SPTAN1: variants seen among roughly 807,000 people sequenced by gnomAD.
SPTAN1 encodes spectrin alpha chain, non-erythrocytic 1.
Under a neutral mutation model 331.3 loss-of-function variants are expected in SPTAN1, and 61 were observed. The observed-to-expected ratio is 0.18, with a 90% CI of 0.15 to 0.23. SPTAN1 has a LOEUF of 0.23. Among genes scored for constraint, SPTAN1 ranks in the 10% least tolerant of loss-of-function variants. The pLI, the probability that SPTAN1 is intolerant of heterozygous loss-of-function variation, is 1.00. For synonymous variants in SPTAN1, 1,153 were observed against 1,173.9 expected, an observed-to-expected ratio of 0.98 and a Z score of 0.36; for missense variants, 2,043 against 3,147.9, an observed-to-expected ratio of 0.65 and a Z score of 8.40.
intron 18 of SPTAN1, among the ~76,000 whole-genome samples, chr9:128,585,111 T>G (rs1001946574): frequency 6.6e-6 from 1 of 151,530 alleles, no homozygotes; most frequent in Admixed American, 6.6e-5. Flanking sequence ...GCTTCCCTAG[T>G]TCAAGCAGTT....
In SPTAN1 at chr9:128,627,893, G is replaced by A. The variant is rs768919498; in HGVS notation, c.6690-32G>A. 3.1e-6 allele frequency: 5 copies of A among 1,614,014 alleles called. No individual in the cohort carries two copies. The Admixed American group carries it at 6.7e-5, about 22-fold the overall frequency. ...GCTGCTGTTGTCCGGACACCACCTT[G>A]TCTCCCGGCTGCTTGGATCTGCTCT... On this transcript the variant is annotated intron_variant, in intron 50 of 56. Transcript: ENST00000372739. This position sits in a 1 kb window ranked among gnomAD's most constrained non-coding sequence, Gnocchi z 4.9.
chr9:128,586,111 G>C (rs74856439), intron 19 of SPTAN1, 146 bp downstream of exon 19: 1 of 430,154 alleles, frequency 2.3e-6, no homozygotes, highest in East Asian at 4.9e-5. Context: ...TTTTTCACTT[G>C]GTTTTTTTTT....
At position 128,625,068 on chromosome 9, in the gene SPTAN1, G is replaced by T; in HGVS notation, c.5993-35G>T. Reference sequence around the variant, plus strand: ...TTCCTTTCTAATCCATCTCCACTGAGGAGGGCAGTATATTTTCCACACTTC... The same window carrying T: ...TTCCTTTCTAATCCATCTCCACTGATGAGGGCAGTATATTTTCCACACTTC... On this transcript the variant is annotated intron_variant, in intron 46 of 56. Transcript: ENST00000372739. The surrounding 1 kb of genome is among the most constrained non-coding windows in gnomAD (Gnocchi z 4.1). The T allele has an allele frequency of 1.9e-6, 3 of 1,593,430 alleles. No homozygotes were observed. The highest frequency in any genetic ancestry group is 2.6e-6 in the Non-Finnish European group (3 of 1,161,276).
chr9:128,591,398 G>C (rs1853503014), intron 21 of SPTAN1, 79 bp from the exon 22 acceptor site: 1 of 1,577,772 alleles, frequency 6.3e-7, no homozygotes, highest in East Asian at 2.2e-5. Flanking sequence ...GCTCTCGTGT[G>C]TGTGTATACA....
intron 27 of SPTAN1, among the ~76,000 whole-genome samples, chr9:128,603,014 T>C (rs1271405715): frequency 6.6e-6 from 1 of 152,238 alleles, no homozygotes; most frequent in Non-Finnish European, 1.5e-5. Flanking sequence ...GAAATGTACG[T>C]TGTTGAAAGC....
At chr9:128,587,368 A>T (rs1477565033) in intron 19 of SPTAN1, among the ~76,000 whole-genome samples, 1 of 152,194 alleles carries the variant, frequency 6.6e-6, no homozygotes, top group Non-Finnish European at 1.5e-5. Flanking sequence ...TACAGGCATA[A>T]GCCTCTGTGC....
At chr9:128,586,458 T>G (rs1852649139) in intron 19 of SPTAN1, among the ~76,000 whole-genome samples, 1 of 152,066 alleles carries the variant, frequency 6.6e-6, no homozygotes, top group Admixed American at 6.5e-5. Flanking sequence ...ATTATGAAAA[T>G]GTAATCATAC....
In SPTAN1 at chr9:128,618,879, G is replaced by T; in HGVS notation, c.5609G>T (p.Arg1870Leu). The T allele has an allele frequency of 6.2e-7, 1 of 1,614,154 alleles. No individual in the cohort carries two copies. The highest frequency in any genetic ancestry group is 1.1e-5 in the South Asian group (1 of 91,076). ...CTGTCTCCTGTAATTAGGGGTCAGC[G>T]GCTGGAAGAGTCCTTGGAATATCAG... ...LKQLAAARGQ[R>L]LEESLEYQQF... Residue 1870 changes from arginine (R) to leucine (L), a missense_variant, in exon 44 of 57, where the codon CGG (arginine) becomes CTG (leucine). Arg to Leu is a moderately radical substitution (Grantham distance 102). Coordinates refer to ENST00000372739, the MANE Select transcript of SPTAN1 (RefSeq NM_001130438.3).
Position 128,613,477 on chromosome 9 carries a change from G to C in SPTAN1, c.5140G>C (p.Ala1714Pro). 1.9e-6 allele frequency: 3 copies of C among 1,614,140 alleles called. No homozygotes were observed. Among genetic ancestry groups the C allele is most frequent in the Non-Finnish European group, 2.5e-6 (3 of 1,180,010 alleles). Reference protein sequence around the residue: ...KHQLLEADISAHEDRLKDLNS... With the variant: ...KHQLLEADISPHEDRLKDLNS... Reference sequence around the variant, plus strand: ...TCAACTGCTGGAAGCAGATATATCTGCCCATGAGGTAAGCAAAGGGAGGCG... The same window carrying C: ...TCAACTGCTGGAAGCAGATATATCTCCCCATGAGGTAAGCAAAGGGAGGCG... The change falls in exon 40 of 57, where the codon GCC becomes CCC. Residue 1714 changes from alanine (A) to proline (P), a missense_variant. Physicochemically the swap from Ala to Pro is conservative, Grantham distance 27. Coordinates refer to ENST00000372739, the MANE Select transcript of SPTAN1 (RefSeq NM_001130438.3).
At chr9:128,558,093 G>A (rs1390607119) in intron 1 of SPTAN1, among the ~76,000 whole-genome samples, 3 of 152,190 alleles carry the variant, frequency 2.0e-5, no homozygotes, top group East Asian at 1.9e-4. Context: ...GTGAGCCACC[G>A]CGCCCAGCTG....
intron 1 of SPTAN1, chr9:128,555,448 G>T (rs1848524603): frequency 7.8e-7 from 1 of 1,276,790 alleles, no homozygotes; most frequent in Non-Finnish European, 1.0e-6. Flanking sequence ...GTTTTGCCTG[G>T]CTTGCAGTGA....
chr9:128,555,051 C>T (rs1848484175), intron 1 of SPTAN1, among the ~76,000 whole-genome samples: 1 of 152,008 alleles, frequency 6.6e-6, no homozygotes, highest in African/African-American at 2.4e-5. Flanking sequence ...AAAGTATATT[C>T]GGTATTATTA....
intron 5 of SPTAN1, 72 bp from the exon 6 acceptor site, chr9:128,576,751 C>T (rs1420831522): frequency 6.3e-7 from 1 of 1,592,840 alleles, no homozygotes; most frequent in Non-Finnish European, 8.5e-7. Context: ...CTTCAAGGAA[C>T]CAACCCCAGG....
At chr9:128,573,216 A>G (rs145582776) in intron 3 of SPTAN1, among the ~76,000 whole-genome samples, 25 of 152,308 alleles carry the variant, frequency 1.6e-4, no homozygotes, top group Non-Finnish European at 3.2e-4. Context: ...TGCATCATCT[A>G]AGCTTGAATT....
chr9:128,575,722 C>T (rs1851225391), intron 5 of SPTAN1, among the ~76,000 whole-genome samples: 1 of 152,070 alleles, frequency 6.6e-6, no homozygotes, highest in African/African-American at 2.4e-5. Flanking sequence ...TCTTGCCTTC[C>T]TTTTTTATTT....
intron 46 of SPTAN1, 170 bp downstream of exon 46, chr9:128,624,657 A>G (rs973666271): frequency 1.3e-5 from 11 of 841,116 alleles, no homozygotes; most frequent in South Asian, 5.0e-5. Flanking sequence ...CAGTGTCCTG[A>G]GGCCAGAACT....
intron 22 of SPTAN1, 27 bp downstream of exon 22, chr9:128,591,652 G>C: frequency 6.2e-7 from 1 of 1,612,782 alleles, no homozygotes; most frequent in Non-Finnish European, 8.5e-7. Context: ...GGGCCGCAAG[G>C]GCTAGGCGTC....
chr9:128,618,918 A>C lies in SPTAN1; in HGVS notation c.5648A>C (p.Asn1883Thr). 6.2e-7 allele frequency: 1 copy of C among 1,614,186 alleles called. No homozygotes were observed. The highest frequency in any genetic ancestry group is 8.5e-7 in the Non-Finnish European group (1 of 1,180,034). ...TTGGAATATCAGCAGTTTGTAGCCA[A>C]TGTGGAAGAGGAAGAAGCCTGGATC... ...ESLEYQQFVA[N>T]VEEEEAWINE... The change falls in exon 44 of 57, where the codon AAT becomes ACT. Residue 1883 changes from asparagine (N) to threonine (T), a missense_variant. Coordinates refer to ENST00000372739, the MANE Select transcript of SPTAN1 (RefSeq NM_001130438.3).
At chr9:128,624,953 G>C in intron 46 of SPTAN1, 150 bp from the exon 47 acceptor site, 1 of 749,634 alleles carries the variant, frequency 1.3e-6, no homozygotes, top group East Asian at 2.6e-5. Flanking sequence ...GGTGCAGGGA[G>C]GGGCCTGCTA....
Sources: allele counts gnomAD v4.1 joint callset (sites outside exome capture counted in the v4.1 genomes callset), GRCh38; gene constraint gnomAD v4.1.1; non-coding constraint Gnocchi (gnomAD v3.1); transcripts MANE v1.5; gene names NCBI Gene and HGNC (gene_info 2026-07-23, HGNC 2026-07-21).